Variants in PNOC observed in about 807,000 individuals in gnomAD.
The protein encoded by PNOC is nociceptin.
In PNOC, 10 loss-of-function variants were observed where a neutral mutation model predicts 15.6. The observed-to-expected ratio is 0.64, with a 90% CI of 0.40 to 1.09. The LOEUF is 1.09. Ranked by LOEUF, PNOC falls within the 50% of genes least tolerant of loss-of-function variation. PNOC has a pLI of 0.01. For missense variants in PNOC, 220 were observed against 223.9 expected, an observed-to-expected ratio of 0.98 and a Z score of 0.11; for synonymous variants, 98 against 88.5, an observed-to-expected ratio of 1.11 and a Z score of -0.60.
At chr8:28,322,851 T>C (rs1801171775) in intron 1 of PNOC, among the ~76,000 whole-genome samples, 1 of 152,224 alleles carries the variant, frequency 6.6e-6, no homozygotes, top group Admixed American at 6.5e-5. Flanking sequence ...CCTAGTCAAC[T>C]TGCTTAACCT....
chr8:28,326,223 C>T (rs1801223218), intron 1 of PNOC, among the ~76,000 whole-genome samples: 1 of 151,866 alleles, frequency 6.6e-6, no homozygotes, highest in Admixed American at 6.6e-5. Flanking sequence ...ATCCTGGGCT[C>T]AAACAATCCT....
rs1419630771 is a variant in PNOC at position 28,339,497 on chromosome 8, T to C, written c.*47+6T>C. 1.3e-5 allele frequency: 20 copies of C among 1,492,236 alleles called. No individual in the cohort carries two copies. In the South Asian group the frequency reaches 1.8e-4, roughly 13 times the overall value. 92.4% of individuals were successfully genotyped at this position (1,492,236 alleles called of 1,614,324 possible). On this transcript the variant is annotated splice_donor_region_variant and intron_variant, in intron 3 of 3. Coordinates refer to ENST00000301908, the MANE Select transcript of PNOC (RefSeq NM_006228.5). ...CCGGCCACTGCAACCCATGAGTGAG[T>C]TGGGCACCAATAAGCTGGGGGCAAG...
intron 2 of PNOC, among the ~76,000 whole-genome samples, chr8:28,337,125 G>A (rs1042256775): frequency 5.9e-5 from 9 of 152,088 alleles, no homozygotes; most frequent in African/African-American, 1.7e-4. Context: ...TCTGCCAGTC[G>A]GCAGCTTCTA....
chr8:28,323,368 A>G (rs1197262279), intron 1 of PNOC, among the ~76,000 whole-genome samples: 1 of 152,256 alleles, frequency 6.6e-6, no homozygotes, highest in Non-Finnish European at 1.5e-5. Flanking sequence ...AATACAAGCC[A>G]TGGAAAATTC....
chr8:28,321,206 ATTTTTT>A (rs34876674), intron 1 of PNOC, among the ~76,000 whole-genome samples: 6 of 122,792 alleles, frequency 4.9e-5, no homozygotes, highest in South Asian at 2.6e-4. Context: ...ACCTAGCTAA[ATTTTTT>A]TTTTTTTTTT....
intron 3 of PNOC, 88 bp from the exon 4 acceptor site, chr8:28,342,854 C>G (rs1563333160): frequency 4.6e-6 from 2 of 431,976 alleles, no homozygotes; most frequent in Non-Finnish European, 3.1e-6. Flanking sequence ...CTTTGCCTCC[C>G]TTTCACTGCT....
At chr8:28,319,253 C>T (rs146336562) in intron 1 of PNOC, among the ~76,000 whole-genome samples, 6 of 152,134 alleles carry the variant, frequency 3.9e-5, no homozygotes, top group East Asian at 3.9e-4. Context: ...CTCCCCGTTA[C>T]GGTCAGGGGT....
rs138591760 is a variant in PNOC, at chr8:28,321,049, G to A, written c.-24+3733G>A. ...AGGCAGGTCTTTTGTTGTTGTTGTT[G>A]TTGTTTACAGACAGGGTCTCACTCT... On this transcript the variant is annotated intron_variant, in intron 1 of 3. Transcript: ENST00000301908. 3.4e-3 allele frequency among the ~76,000 whole-genome samples: 510 copies of A among 151,856 alleles called. 2 individuals are homozygous for A. The highest frequency in any genetic ancestry group is 0.011 in the African/African-American group (453 of 41,430).
chr8:28,342,877 G>A (rs1032357920), intron 3 of PNOC, 65 bp from the exon 4 acceptor site: 1 of 588,374 alleles, frequency 1.7e-6, no homozygotes, highest in Non-Finnish European at 2.1e-6. Context: ...CGTCTCTAGG[G>A]GGAATAGAAA....
intron 1 of PNOC, among the ~76,000 whole-genome samples, chr8:28,318,425 C>A (rs1413839871): frequency 3.3e-5 from 5 of 152,228 alleles, no homozygotes; most frequent in African/African-American, 4.8e-5. Context: ...AAAAGATGAG[C>A]TTTGCACGGC....
chr8:28,338,665 T>C, intron 2 of PNOC: 2 of 1,007,096 alleles, frequency 2.0e-6, no homozygotes, highest in Non-Finnish European at 2.4e-6. Flanking sequence ...AATAAAATTC[T>C]TTATGGGTGA....
intron 2 of PNOC, 22 bp from the exon 3 acceptor site, chr8:28,339,018 C>T (rs1257582075): frequency 6.4e-7 from 1 of 1,557,560 alleles, no homozygotes; most frequent in South Asian, 1.2e-5. Flanking sequence ...CTTCTCCCCT[C>T]CTCTCACCCG....
chr8:28,325,644 T>A (rs1184317226), intron 1 of PNOC, among the ~76,000 whole-genome samples: 2 of 127,032 alleles, frequency 1.6e-5, no homozygotes, highest in Admixed American at 8.8e-5. Flanking sequence ...AGAGTGAGAC[T>A]CTGTCTCAAA....
chr8:28,330,381 A>AT (rs1801302142), intron 2 of PNOC, among the ~76,000 whole-genome samples: 1 of 62,852 alleles, frequency 1.6e-5, no homozygotes, highest in East Asian at 2.9e-4. Flanking sequence ...ATTTTATTTT[A>AT]TTTTATTTTA....
chr8:28,331,643 C>T (rs1321074500), intron 2 of PNOC, among the ~76,000 whole-genome samples: 1 of 152,196 alleles, frequency 6.6e-6, no homozygotes, highest in African/African-American at 2.4e-5. Context: ...TCCTGCCCTG[C>T]CATTGTGCCT....
At chr8:28,321,425 T>C (rs1295921229) in intron 1 of PNOC, among the ~76,000 whole-genome samples, 1 of 152,230 alleles carries the variant, frequency 6.6e-6, no homozygotes, top group East Asian at 1.9e-4. Context: ...AGTTGAGAGC[T>C]ACCTTCCCAC....
chr8:28,317,360 GACTA>G (rs1313516792), intron 1 of PNOC, 44 bp downstream of exon 1: 4 of 152,358 alleles, frequency 2.6e-5, no homozygotes, highest in Admixed American at 6.5e-5. Flanking sequence ...CGACTAACTG[GACTA>G]ACTGCGTGGA....
rs76499166 is a variant in PNOC, at chr8:28,327,059, T to G, written c.-23-2076T>G. On this transcript the variant is annotated intron_variant, in intron 1 of 3. Coordinates refer to ENST00000301908, the MANE Select transcript of PNOC (RefSeq NM_006228.5). Reference sequence around the variant, plus strand: ...TTTTGGTTTTCTACACTGAACTCTTTATTAAGGGAACTGCATACAGTGAAA... The same window carrying G: ...TTTTGGTTTTCTACACTGAACTCTTGATTAAGGGAACTGCATACAGTGAAA... Among the ~76,000 whole-genome samples the G allele has an allele frequency of 8.7e-3, 1,333 of 152,366 alleles. 9 individuals carry two copies. Among genetic ancestry groups the G allele is most frequent in the Middle Eastern group, 0.02 (6 of 294 alleles).
At chr8:28,333,629 T>C (rs554107466) in intron 2 of PNOC, among the ~76,000 whole-genome samples, 2 of 152,344 alleles carry the variant, frequency 1.3e-5, no homozygotes, top group East Asian at 3.9e-4. Flanking sequence ...AGTCTGGGTA[T>C]GGACTGTGGC....
Sources: gnomAD v4.1 joint callset for allele counts (sites outside exome capture counted in the v4.1 genomes callset) on GRCh38, gnomAD v4.1.1 for gene constraint, MANE v1.5 for transcripts, NCBI Gene and HGNC (gene_info 2026-07-23, HGNC 2026-07-21) for gene names.